DNASE1: variants seen among roughly 807,000 people sequenced by gnomAD.
DNASE1 encodes deoxyribonuclease-1.
DNASE1 carries 40 observed loss-of-function variants against 33.9 expected under a neutral mutation model. The observed-to-expected ratio is 1.18, with a 90% CI of 0.92 to 1.54. DNASE1 has a LOEUF of 1.54. Among genes scored for constraint, DNASE1 ranks in the 40% most tolerant of loss-of-function variants. The pLI is 0.00. For missense variants in DNASE1, 518 were observed against 372.6 expected, an observed-to-expected ratio of 1.39 and a Z score of -3.21; for synonymous variants, 216 against 160.0, an observed-to-expected ratio of 1.35 and a Z score of -2.64.
At chr16:3,659,020 CATT>C, downstream of DNASE1, 4 of 719,980 alleles carry the variant, frequency 5.6e-6, no homozygotes, top group Admixed American at 3.1e-5. Context: ...TAGATAATAT[CATT>C]ATATACCCAG....
chr16:3,629,455 T>A (rs1309005269), intron 1 of DNASE1, among the ~76,000 whole-genome samples: 1 of 152,164 alleles, frequency 6.6e-6, no homozygotes, highest in Admixed American at 6.6e-5. Context: ...TGGTGTATAA[T>A]CCTTCTAAAA....
chr16:3,664,368 G>T (rs1304201059), exon 10 of DNASE1: 3 of 1,612,868 alleles, frequency 1.9e-6, no homozygotes, highest in Non-Finnish European at 2.5e-6. Flanking sequence ...GCGGGTGCCG[G>T]CCCGCATGCG....
chr16:3,660,516 T>TATC (rs1292551146), downstream of DNASE1: 1 of 152,142 alleles, frequency 6.6e-6, no homozygotes, highest in African/African-American at 2.4e-5. Flanking sequence ...CTTCTGCAGC[T>TATC]ATCTCACAAA....
At chr16:3,639,390 A>G (rs1326663081), upstream of DNASE1, among the ~76,000 whole-genome samples, 6 of 152,174 alleles carry the variant, frequency 3.9e-5, no homozygotes, top group African/African-American at 1.2e-4. Context: ...GGTGAGTTCA[A>G]CAGCACCCCC....
At chr16:3,612,335 C>G (rs1006137359) in intron 1 of DNASE1, among the ~76,000 whole-genome samples, 1 of 152,066 alleles carries the variant, frequency 6.6e-6, no homozygotes, top group Admixed American at 6.6e-5. Context: ...ACTGCAACCT[C>G]TGTCTCCCGG....
intron 1 of DNASE1, among the ~76,000 whole-genome samples, chr16:3,624,130 A>G (rs1466100140): frequency 6.6e-6 from 1 of 151,616 alleles, no homozygotes; most frequent in Non-Finnish European, 1.5e-5. Flanking sequence ...TACAAAAATC[A>G]GCTGGGCGCG....
At chr16:3,642,139 C>T (rs979438462), upstream of DNASE1, among the ~76,000 whole-genome samples, 8 of 152,168 alleles carry the variant, frequency 5.3e-5, no homozygotes, top group African/African-American at 1.9e-4. Flanking sequence ...GACAGGCCCA[C>T]GTCAGCCCCT....
Position 3,657,278 on chromosome 16 carries a change from T to G in DNASE1, c.641T>G (p.Phe214Cys), listed in dbSNP as rs747760260. 6.2e-7 allele frequency: 1 copy of G among 1,613,970 alleles called. No individual in the cohort carries two copies. The highest frequency in any genetic ancestry group is 1.3e-5 in the African/African-American group (1 of 75,046). Residue 214 changes from phenylalanine (F) to cysteine (C), a missense_variant, in exon 7 of 9, where the codon TTC (phenylalanine) becomes TGC (cysteine). Coordinates refer to ENST00000246949, the MANE Select transcript of DNASE1 (RefSeq NM_005223.4). ...ATCCGCCTGTGGACAAGCCCCACCT[T>G]CCAGTGGCTGATCCCCGACAGCGCT... The part of the protein sequence containing the change: ...SSIRLWTSPT[F>C]QWLIPDSADT...
At chr16:3,625,642 G>A (rs1358153784) in intron 1 of DNASE1, among the ~76,000 whole-genome samples, 1 of 151,574 alleles carries the variant, frequency 6.6e-6, no homozygotes, top group Non-Finnish European at 1.5e-5. Context: ...ATAAATAAAT[G>A]AAACGGCCAA....
chr16:3,658,859 C>T (rs778200463), downstream of DNASE1: 72 of 1,613,866 alleles, frequency 4.5e-5, no homozygotes, highest in Non-Finnish European at 3.9e-5. Context: ...TCTTGATGAG[C>T]GCGTGCCTGC....
rs760665434 is a variant in DNASE1, at chr16:3,655,894, AG to A, written c.194del (p.Ser65ThrfsTer3). 10 of 1,613,918 alleles carry A rather than the reference AG, an allele frequency of 6.2e-6. No individual in the cohort carries two copies. The highest frequency in any genetic ancestry group is 8.5e-6 in the Non-Finnish European group (10 of 1,180,016). On this transcript the variant is annotated frameshift_variant, in exon 3 of 9. Transcript: ENST00000246949. LOFTEE classifies it high-confidence loss of function. ...DIALVQEVRD[S>X]HLTAVGKLLD... ...CGCCCTGGTCCAGGAGGTCAGAGACAGCCACCTGACTGCCGTGGGGAAGCTG... is the reference window on the plus strand; with the variant it reads ...CGCCCTGGTCCAGGAGGTCAGAGACACCACCTGACTGCCGTGGGGAAGCTG...
Position 3,655,015 on chromosome 16 carries a change from T to G in DNASE1, c.-31T>G. On this transcript the variant is annotated 5_prime_UTR_variant, in exon 1 of 9. Coordinates refer to ENST00000246949, the MANE Select transcript of DNASE1 (RefSeq NM_005223.4). ...TTCCAGATTCTTGACAGCATTCTCG[T>G]CATCTCTGAGGACATCACCATCATC... 4.1e-6 allele frequency: 2 copies of G among 493,768 alleles called. No homozygotes were observed. Among genetic ancestry groups the G allele is most frequent in the Non-Finnish European group, 7.1e-6 (2 of 281,544 alleles). The allele number at this position is 493,768 out of a possible 1,614,324, so 30.6% of individuals were successfully genotyped here.
At chr16:3,616,224 C>T (rs553079215) in intron 1 of DNASE1, among the ~76,000 whole-genome samples, 27 of 152,292 alleles carry the variant, frequency 1.8e-4, no homozygotes, top group African/African-American at 6.3e-4. Flanking sequence ...AGGGAGGTTT[C>T]AGACAGCAAA....
chr16:3,658,847 C>T (rs1332692267), downstream of DNASE1: 2 of 1,613,962 alleles, frequency 1.2e-6, no homozygotes, highest in South Asian at 1.1e-5. Context: ...GCTGATTCAG[C>T]TTCTTGATGA....
chr16:3,654,173 A>G (rs2042450658), upstream of DNASE1: 3 of 395,186 alleles, frequency 7.6e-6, no homozygotes, highest in African/African-American at 2.1e-5. Flanking sequence ...CCTGGCCTTT[A>G]GCTGCTGCCC....
intron 1 of DNASE1, among the ~76,000 whole-genome samples, chr16:3,643,330 A>C (rs1596611638): frequency 6.6e-6 from 1 of 152,264 alleles, no homozygotes; most frequent in African/African-American, 2.4e-5. Context: ...AAAGTGGCTG[A>C]AAAGCAGAGT....
At chr16:3,628,567 T>C (rs1286460225) in intron 1 of DNASE1, among the ~76,000 whole-genome samples, 1 of 150,688 alleles carries the variant, frequency 6.6e-6, no homozygotes, top group Non-Finnish European at 1.5e-5. Context: ...TTTTCTTTCT[T>C]TTTTTTTTGA....
rs187518705 is a variant in DNASE1 at position 3,635,092 on chromosome 16, C to G, written c.-1358-5623C>G. On this transcript the variant is annotated intron_variant and NMD_transcript_variant, in intron 1 of 11. Transcript: ENST00000570769. ...GCCTCAGCCTCTTGAGTAACTGGGTCTAGAGGCATGCACCACCATGCCTAG... is the reference window on the plus strand; with the variant it reads ...GCCTCAGCCTCTTGAGTAACTGGGTGTAGAGGCATGCACCACCATGCCTAG... 1.7e-4 allele frequency among the ~76,000 whole-genome samples: 26 copies of G among 152,220 alleles called. No homozygotes were observed. In the East Asian group the frequency reaches 4.1e-3, roughly 24 times the overall value.
chr16:3,630,537 G>A (rs1322550688), intron 1 of DNASE1, among the ~76,000 whole-genome samples: 3 of 152,006 alleles, frequency 2.0e-5, no homozygotes, highest in Non-Finnish European at 2.9e-5. Context: ...TCTGTTATTA[G>A]TTGTAATCTG....
Sources: allele counts gnomAD v4.1 joint callset (sites outside exome capture counted in the v4.1 genomes callset), GRCh38; gene constraint gnomAD v4.1.1; transcripts MANE v1.5; gene names NCBI Gene and HGNC (gene_info 2026-07-23, HGNC 2026-07-21).